MAP4: variants seen among roughly 807,000 people sequenced by gnomAD.
The protein encoded by MAP4 is microtubule associated protein 4.
MAP4 carries 76 observed loss-of-function variants against 170.2 expected under a neutral mutation model. That is an observed-to-expected ratio of 0.45 (90% CI 0.37 to 0.54). The LOEUF (loss-of-function observed/expected upper bound fraction) is 0.54. MAP4 is among the 20% of genes least tolerant of loss of function. The pLI, the probability that MAP4 is intolerant of heterozygous loss-of-function variation, is 0.00. For missense variants in MAP4, 2,506 were observed against 2,748.0 expected (o/e 0.91, Z 1.97); for synonymous variants, 909 against 994.5 (o/e 0.91, Z 1.62).
At chr3:47,902,670 T>A (rs2100030712) in intron 10 of MAP4, among the ~76,000 whole-genome samples, 1 of 59,754 alleles carries the variant, frequency 1.7e-5, no homozygotes, top group Non-Finnish European at 3.2e-5. Flanking sequence ...GGAGACTCTG[T>A]CTCAAAAAAA....
At position 47,909,038 on chromosome 3, in the gene MAP4, C is replaced by T. The variant is rs2100034577; in HGVS notation, c.5383G>A (p.Val1795Ile). 1.9e-6 allele frequency: 3 copies of T among 1,611,774 alleles called. No individual in the cohort carries two copies. The highest frequency in any genetic ancestry group is 2.5e-6 in the Non-Finnish European group (3 of 1,178,888). ...ACATTTCCCCATGGCAGGTTCATACCAGCGGACTTCAGTTGCTTATGTCTC... is the reference window on the plus strand; with the variant it reads ...ACATTTCCCCATGGCAGGTTCATACTAGCGGACTTCAGTTGCTTATGTCTC... ...QERHKQLKSAVCLSSSTVYQQ... is the reference protein window; with the variant it reads ...QERHKQLKSAICLSSSTVYQQ... Residue 1795 changes from valine to isoleucine, a missense_variant and splice_region_variant, in exon 9 of 21, where the codon GTT (valine) becomes ATT (isoleucine). By Grantham distance (29) the Val-to-Ile change is conservative (BLOSUM62 3). Transcript: ENST00000683076.
chr3:47,877,275 T>G lies in MAP4; in HGVS notation c.5541+142A>C, dbSNP rs887110144. ...CTGTGGTAAATGAGAATACAAGATATTTTCTAAGCATGTCCAAACATGAGG... is the reference window on the plus strand; with the variant it reads ...CTGTGGTAAATGAGAATACAAGATAGTTTCTAAGCATGTCCAAACATGAGG... On this transcript the variant is annotated intron_variant, in intron 11 of 20. Coordinates refer to ENST00000683076, the MANE Select transcript of MAP4 (RefSeq NM_001385682.1). 6 of 649,344 alleles carry G rather than the reference T, an allele frequency of 9.2e-6. No individual in the cohort carries two copies. In the African/African-American group the frequency reaches 1.1e-4, roughly 12 times the overall value. 40.2% of individuals were successfully genotyped at this position (649,344 alleles called of 1,614,324 possible).
At chr3:48,068,862 T>C (rs543265789) in intron 1 of MAP4, among the ~76,000 whole-genome samples, 1 of 152,338 alleles carries the variant, frequency 6.6e-6, no homozygotes, top group East Asian at 1.9e-4. Flanking sequence ...TTCATACCTA[T>C]GCACAATATG....
At chr3:47,987,627 TAAATGTGAA>T (rs1195656685) in intron 2 of MAP4, among the ~76,000 whole-genome samples, 1 of 152,210 alleles carries the variant, frequency 6.6e-6, no homozygotes. Context: ...AGCAGGTAAC[TAAATGTGAA>T]CATATCCCAA....
chr3:47,870,970 G>A lies in MAP4; in HGVS notation c.6137C>T (p.Thr2046Ile), dbSNP rs1393762679. ...GGTGGGCTTCTTGTCTATGAAAGGA[G>A]TTGTGGAGGGCCGGGAGGGCATGGG... ...ATPMPSRPST[T>I]PFIDKKPTSA... The change falls in exon 15 of 21, where the codon ACT becomes ATT. Residue 2046 changes from threonine to isoleucine, a missense_variant. This residue lies in a region of MAP4 where 487 missense variants were observed against 511.6 expected (regional missense o/e 0.95). Transcript: ENST00000683076. 1 of 1,614,038 alleles carries A rather than the reference G, an allele frequency of 6.2e-7. No homozygotes were observed. The highest frequency in any genetic ancestry group is 2.2e-5 in the East Asian group (1 of 44,898).
intron 12 of MAP4, 83 bp downstream of exon 12, chr3:47,875,602 T>C: frequency 8.1e-7 from 1 of 1,235,912 alleles, no homozygotes; most frequent in South Asian, 1.3e-5. Context: ...CTGATTCTGT[T>C]GTCTGTTAGC....
chr3:48,002,645 C>T (rs1307691336), intron 1 of MAP4, among the ~76,000 whole-genome samples: 5 of 151,868 alleles, frequency 3.3e-5, no homozygotes, highest in African/African-American at 1.2e-4. Context: ...ATTTGAGAGC[C>T]TGAGGCAGCT....
At chr3:47,858,021 CTTTTTT>C (rs397817713) in intron 17 of MAP4, among the ~76,000 whole-genome samples, 1 of 118,380 alleles carries the variant, frequency 8.4e-6, no homozygotes, top group African/African-American at 3.3e-5. Context: ...CTGGCCTTCA[CTTTTTT>C]TTTTTTTTTT....
At chr3:47,920,228 C>T (rs1383573689) in intron 5 of MAP4, among the ~76,000 whole-genome samples, 1 of 152,078 alleles carries the variant, frequency 6.6e-6, no homozygotes, top group Admixed American at 6.6e-5. Flanking sequence ...ACCTCCGTCT[C>T]CCAAAGTGCT....
chr3:47,943,438 C>T (rs2100057753), intron 3 of MAP4, among the ~76,000 whole-genome samples: 1 of 152,020 alleles, frequency 6.6e-6, no homozygotes, highest in South Asian at 2.1e-4. Flanking sequence ...GTGGTGAAAC[C>T]CCATCTCTAC....
chr3:47,951,811 A>C (rs2154105458), intron 3 of MAP4, among the ~76,000 whole-genome samples: 1 of 127,804 alleles, frequency 7.8e-6, no homozygotes, highest in African/African-American at 2.9e-5. Context: ...CTGGCCGCCC[A>C]TCGTCTGGGA....
chr3:47,911,300 A>G lies in MAP4; in HGVS notation c.3121T>C (p.Leu1041=). The change falls in exon 9 of 21, where the codon TTG becomes CTG. Residue 1041 remains leucine (L), a synonymous_variant. Coordinates refer to ENST00000683076, the MANE Select transcript of MAP4 (RefSeq NM_001385682.1). This position sits in a 1 kb window ranked among gnomAD's most constrained non-coding sequence, Gnocchi z 4.0. ...FTSEQLQGQV[L]VQVPGVENEP... is the part of the protein sequence containing the mutation. ...TTCTCTACCCCAGGGACCTGTACCA[A>G]CACTTGGCCCTGCAGCTGCTCAGAA... 1 of 1,536,124 alleles carries G rather than the reference A, an allele frequency of 6.5e-7. No individual in the cohort carries two copies. Among genetic ancestry groups the G allele is most frequent in the Non-Finnish European group, 8.7e-7 (1 of 1,146,910 alleles).
chr3:47,930,442 ACTCCGT>A (rs1445367279), intron 3 of MAP4, among the ~76,000 whole-genome samples: 1 of 149,432 alleles, frequency 6.7e-6, no homozygotes, highest in Non-Finnish European at 1.5e-5. Context: ...ACAGAGCGAG[ACTCCGT>A]CTCAAAAAAA....
chr3:47,947,307 C>T (rs986999032), intron 3 of MAP4, among the ~76,000 whole-genome samples: 1 of 152,212 alleles, frequency 6.6e-6, no homozygotes, highest in African/African-American at 2.4e-5. Context: ...TTTACCCCTT[C>T]CTCCTCCTGG....
At position 47,892,340 on chromosome 3, in the gene MAP4, A is replaced by G. The variant is rs1399790067; in HGVS notation, c.5434+10610T>C. The G allele has an allele frequency of 8.5e-6, 13 of 1,536,042 alleles. No homozygotes were observed. The South Asian group carries it at 1.3e-4, about 15-fold the overall frequency. On this transcript the variant is annotated intron_variant, in intron 10 of 20. Transcript: ENST00000683076. Reference sequence around the variant, plus strand: ...CCCGTCCATGCTGACATTCAGCCCAATTTCATTCAGTTTGCCCTCTGTCCT... The same window carrying G: ...CCCGTCCATGCTGACATTCAGCCCAGTTTCATTCAGTTTGCCCTCTGTCCT...
intron 2 of MAP4, among the ~76,000 whole-genome samples, chr3:47,988,701 T>C (rs1396486037): frequency 4.6e-5 from 7 of 152,044 alleles, no homozygotes; most frequent in Admixed American, 6.6e-5. Context: ...TAATTCTATT[T>C]GAATTTAAAA....
At chr3:47,923,709 G>A (rs1185151269) in intron 4 of MAP4, among the ~76,000 whole-genome samples, 1 of 152,002 alleles carries the variant, frequency 6.6e-6, no homozygotes, top group Admixed American at 6.6e-5. Flanking sequence ...CCAGCTACTC[G>A]GAAGGCTGAG....
At chr3:47,990,207 C>G (rs1170627632) in intron 2 of MAP4, among the ~76,000 whole-genome samples, 1 of 152,202 alleles carries the variant, frequency 6.6e-6, no homozygotes, top group East Asian at 1.9e-4. Context: ...AGGAGAAATT[C>G]TGCAGTATCT....
At chr3:48,013,580 A>T (rs2100106406) in intron 1 of MAP4, 1 of 152,132 alleles carries the variant, frequency 6.6e-6, no homozygotes, top group Non-Finnish European at 1.5e-5. Context: ...AGCTACTTGT[A>T]ATTCAGCTGC....
Sources: allele counts gnomAD v4.1 joint callset (sites outside exome capture counted in the v4.1 genomes callset), GRCh38; gene constraint gnomAD v4.1.1; regional missense constraint gnomAD v4.1.1; non-coding constraint Gnocchi (gnomAD v3.1); transcripts MANE v1.5; gene names NCBI Gene and HGNC (gene_info 2026-07-23, HGNC 2026-07-21).